LIPA: variants seen among roughly 807,000 people sequenced by gnomAD.
The protein encoded by LIPA is lysosomal acid lipase/cholesteryl ester hydrolase.
A neutral mutation model predicts 40.6 loss-of-function variants in LIPA; 26 were observed. The observed-to-expected ratio is 0.64, with a 90% CI of 0.47 to 0.89. The LOEUF (loss-of-function observed/expected upper bound fraction) is 0.89. LIPA is among the 40% of genes least tolerant of loss of function. The pLI is 0.00. For synonymous variants in LIPA, 188 were observed against 168.4 expected, an observed-to-expected ratio of 1.12 and a Z score of -0.90; for missense variants, 455 against 479.6, an observed-to-expected ratio of 0.95 and a Z score of 0.48.
intron 2 of LIPA, among the ~76,000 whole-genome samples, chr10:89,353,801 T>G (rs754236736): frequency 5.1e-4 from 78 of 151,938 alleles, no homozygotes; most frequent in Non-Finnish European, 1.1e-3. Context: ...ATTAGCTGGG[T>G]GTGGCAGCGT....
rs569902106 is a variant in LIPA at position 89,409,692 on chromosome 10, G to A, written c.61+3099C>T. Among the ~76,000 whole-genome samples, 397 of 152,322 alleles carry A rather than the reference G, an allele frequency of 2.6e-3. 3 individuals are homozygous for A. Among genetic ancestry groups the A allele is most frequent in the Non-Finnish European group, 3.5e-3 (240 of 68,038 alleles). ...TTCTCAGTGTTAATCTCCTGTCCTG[G>A]ACAGCTGTCCTCAAGTTCCATTACC... On this transcript the variant is annotated intron_variant, in intron 2 of 8. Transcript: ENST00000371837.
chr10:89,372,174 G>A (rs1434327453), intron 2 of LIPA, among the ~76,000 whole-genome samples: 3 of 152,172 alleles, frequency 2.0e-5, no homozygotes, highest in Admixed American at 6.5e-5. Context: ...TGTCTTATCT[G>A]CTTTTGCAGG....
At chr10:89,224,953 C>T (rs544564944) in intron 6 of LIPA, 139 bp downstream of exon 6, 36 of 1,145,294 alleles carry the variant, frequency 3.1e-5, no homozygotes, top group South Asian at 2.9e-4. Flanking sequence ...GAGGGGTAAA[C>T]GGAAAAAGAA....
At chr10:89,217,308 G>T (rs1457593884) in intron 8 of LIPA, among the ~76,000 whole-genome samples, 1 of 152,242 alleles carries the variant, frequency 6.6e-6, no homozygotes, top group African/African-American at 2.4e-5. Context: ...ATAGGGGATT[G>T]TTACAGGAGA....
At chr10:89,383,919 T>C in intron 2 of LIPA, 5 of 1,614,204 alleles carry the variant, frequency 3.1e-6, no homozygotes, top group Non-Finnish European at 4.2e-6. Context: ...AGGCATTTTC[T>C]CTGCACGTCC....
chr10:89,286,119 T>C (rs1843339820), intron 1 of LIPA, among the ~76,000 whole-genome samples: 1 of 152,118 alleles, frequency 6.6e-6, no homozygotes, highest in South Asian at 2.1e-4. Flanking sequence ...AGATAATTTT[T>C]GTCGAAAAAT....
chr10:89,226,842 A>C, intron 5 of LIPA, 53 bp downstream of exon 5: 1 of 1,075,892 alleles, frequency 9.3e-7, no homozygotes, highest in Non-Finnish European at 1.4e-6. Context: ...AGAAAAGTAC[A>C]AACTCTGTAA....
intron 1 of LIPA, among the ~76,000 whole-genome samples, chr10:89,292,812 C>A (rs1298362046): frequency 6.9e-6 from 1 of 145,872 alleles, no homozygotes; most frequent in Non-Finnish European, 1.5e-5. Context: ...TGCCTGGCTA[C>A]TTTTTTTTTT....
Position 89,213,970 on chromosome 10 carries a change from T to G in LIPA, c.*858A>C, listed in dbSNP as rs886047467. On this transcript the variant is annotated 3_prime_UTR_variant, in exon 10 of 10. Coordinates refer to ENST00000336233, the MANE Select transcript of LIPA (RefSeq NM_000235.4). ...GGGCTTTGGCTTCACACAGATGTGA[T>G]CAATAACGACAGTAGCGGGCTCCAA... is the stretch of plus-strand genomic sequence containing the variant. 7 of 152,168 alleles carry G rather than the reference T, an allele frequency of 4.6e-5. No homozygotes were observed. The highest frequency in any genetic ancestry group is 7.3e-5 in the Non-Finnish European group (5 of 68,038). 9.4% of individuals were successfully genotyped at this position (152,168 alleles called of 1,614,324 possible). A position where few individuals can be genotyped will look rare whatever the true frequency, so the allele number is the denominator to read the frequency against.
At chr10:89,260,225 T>C (rs573556479) in intron 1 of LIPA, among the ~76,000 whole-genome samples, 13 of 152,286 alleles carry the variant, frequency 8.5e-5, no homozygotes, top group African/African-American at 3.1e-4. Context: ...GCCATGAAGA[T>C]GATATTTAAA....
At chr10:89,363,795 GA>G (rs1407170220) in intron 2 of LIPA, among the ~76,000 whole-genome samples, 152 of 140,922 alleles carry the variant, frequency 1.1e-3, no homozygotes, top group Admixed American at 2.0e-3. Context: ...AAAAAAAAGC[GA>G]GGGGGGGCGG....
chr10:89,317,765 G>A (rs1843549009), intron 1 of LIPA, among the ~76,000 whole-genome samples: 1 of 152,090 alleles, frequency 6.6e-6, no homozygotes, highest in Non-Finnish European at 1.5e-5. Context: ...CACATAATTA[G>A]CAGATTCACC....
chr10:89,231,133 T>C (rs1025680150), intron 3 of LIPA, among the ~76,000 whole-genome samples: 2 of 152,184 alleles, frequency 1.3e-5, no homozygotes, highest in Admixed American at 6.5e-5. Context: ...TACAAAATTA[T>C]AGACTACTCT....
intron 1 of LIPA, among the ~76,000 whole-genome samples, chr10:89,250,304 C>A (rs563479552): frequency 6.6e-6 from 1 of 151,974 alleles, no homozygotes; most frequent in South Asian, 2.1e-4. Flanking sequence ...AGGGTTTCAC[C>A]GTGTTAGCCA....
At position 89,403,324 on chromosome 10, in the gene LIPA, A is replaced by G. The variant is rs1844471293; in HGVS notation, c.61+9467T>C. ...GCTCATCTAGACCTGGCAAGAATGT[A>G]TATAGAAGCAGGCAATCACAGAAAA... On this transcript the variant is annotated intron_variant, in intron 2 of 8. Transcript: ENST00000371837. The G allele has an allele frequency of 1.9e-6, 3 of 1,613,650 alleles. No individual in the cohort carries two copies. Among genetic ancestry groups the G allele is most frequent in the Non-Finnish European group, 2.5e-6 (3 of 1,179,922 alleles).
intron 1 of LIPA, among the ~76,000 whole-genome samples, chr10:89,296,775 C>A (rs1843417697): frequency 6.6e-6 from 1 of 152,144 alleles, no homozygotes; most frequent in African/African-American, 2.4e-5. Context: ...ATTTTCTGAC[C>A]TCAATCTTTG....
chr10:89,273,857 C>T (rs1332324), intron 1 of LIPA, among the ~76,000 whole-genome samples: 17,648 of 152,134 alleles, frequency 0.12, 1,039 homozygotes, highest in South Asian at 0.23. Context: ...CACTACAGCT[C>T]GTGGGCTGAA....
intron 1 of LIPA, among the ~76,000 whole-genome samples, chr10:89,276,428 C>G (rs1417378238): frequency 6.6e-6 from 1 of 152,214 alleles, no homozygotes; most frequent in Non-Finnish European, 1.5e-5. Context: ...GACACAAATT[C>G]AAAAGTATCA....
intron 1 of LIPA, among the ~76,000 whole-genome samples, chr10:89,279,740 A>C (rs116321654): frequency 6.6e-5 from 10 of 152,322 alleles, no homozygotes; most frequent in African/African-American, 2.2e-4. Context: ...TTCCAGCCTA[A>C]ACCTGGCCTA....
Sources: allele counts gnomAD v4.1 joint callset (sites outside exome capture counted in the v4.1 genomes callset), GRCh38; gene constraint gnomAD v4.1.1; transcripts MANE v1.5; gene names NCBI Gene and HGNC (gene_info 2026-07-23, HGNC 2026-07-21).